Variants in COL9A1 observed in about 807,000 individuals in gnomAD.
COL9A1 encodes the protein collagen type IX alpha 1 chain.
In COL9A1, 104 loss-of-function variants were observed where a neutral mutation model predicts 142.6. The ratio of observed to expected loss-of-function variants is 0.73; its 90% CI spans 0.62 to 0.86. COL9A1 has a LOEUF of 0.86. Ranked by LOEUF, COL9A1 falls within the 40% of genes least tolerant of loss-of-function variation. The pLI is 0.00. For synonymous variants in COL9A1, 466 were observed against 396.0 expected (o/e 1.18, Z -2.10); for missense variants, 1,210 against 1,176.6 (o/e 1.03, Z -0.42).
intron 11 of COL9A1, 23 bp from the exon 12 acceptor site, chr6:70,274,105 T>G (rs914033823): frequency 1.9e-6 from 3 of 1,573,646 alleles, no homozygotes; most frequent in Non-Finnish European, 2.6e-6. Context: ...ATAGTTTCAT[T>G]GTACTGACCT....
intron 5 of COL9A1, among the ~76,000 whole-genome samples, chr6:70,288,661 C>G (rs904538735): frequency 1.3e-5 from 2 of 152,156 alleles, no homozygotes; most frequent in East Asian, 1.9e-4. Context: ...CATCACACAC[C>G]TACACCAGAC....
At chr6:70,232,825 C>A in intron 35 of COL9A1, 54 bp from the exon 36 acceptor site, 1 of 1,540,274 alleles carries the variant, frequency 6.5e-7, no homozygotes, top group Non-Finnish European at 8.8e-7. Context: ...AAAAGTTATT[C>A]TAATGAAAAG....
At chr6:70,235,683 AAAGAT>A (rs1399517796) in intron 33 of COL9A1, among the ~76,000 whole-genome samples, 1 of 151,992 alleles carries the variant, frequency 6.6e-6, no homozygotes, top group Non-Finnish European at 1.5e-5. Flanking sequence ...AGCATAAAAT[AAAGAT>A]ATTTCCAAGA....
intron 36 of COL9A1, among the ~76,000 whole-genome samples, chr6:70,227,183 A>G (rs901212285): frequency 1.3e-5 from 2 of 152,074 alleles, no homozygotes; most frequent in African/African-American, 4.8e-5. Flanking sequence ...TGGATCAAGT[A>G]TTTTACTGTA....
At chr6:70,225,587 TAAA>T (rs543691720) in intron 37 of COL9A1, among the ~76,000 whole-genome samples, 1 of 147,728 alleles carries the variant, frequency 6.8e-6, no homozygotes, top group Non-Finnish European at 1.5e-5. Flanking sequence ...CATTTTAGAT[TAAA>T]AAAAAAAACA....
At chr6:70,234,738 T>C in intron 34 of COL9A1, 56 bp downstream of exon 34, 2 of 1,611,154 alleles carry the variant, frequency 1.2e-6, no homozygotes, top group Non-Finnish European at 1.7e-6. Flanking sequence ...AGAACAGCCC[T>C]GCTGCTGTGG....
intron 36 of COL9A1, among the ~76,000 whole-genome samples, chr6:70,227,424 T>TAAA (rs11407353): frequency 0.17 from 8,534 of 49,630 alleles, 738 homozygotes; most frequent in Non-Finnish European, 0.21. Flanking sequence ...ATGCAAATTG[T>TAAA]AAAAAAAAAA....
intron 18 of COL9A1, among the ~76,000 whole-genome samples, chr6:70,266,445 T>G (rs1772020571): frequency 6.6e-6 from 1 of 152,122 alleles, no homozygotes; most frequent in Non-Finnish European, 1.5e-5. Flanking sequence ...AAGCTGAGTG[T>G]GATTGATTTG....
intron 30 of COL9A1, 91 bp downstream of exon 30, chr6:70,241,873 T>G: frequency 1.7e-6 from 2 of 1,148,644 alleles, no homozygotes; most frequent in Admixed American, 4.0e-5. Flanking sequence ...TCTAGAAAAT[T>G]CTCCACAGGG....
intron 28 of COL9A1, among the ~76,000 whole-genome samples, chr6:70,247,429 G>A (rs1562300499): frequency 6.6e-6 from 1 of 152,170 alleles, no homozygotes; most frequent in Non-Finnish European, 1.5e-5. Flanking sequence ...TCATGCTCTA[G>A]CTTGTAATGG....
In COL9A1 at chr6:70,270,201, T is replaced by G. The variant is rs895085436; in HGVS notation, c.1197+113A>C. 4.7e-6 allele frequency: 5 copies of G among 1,057,060 alleles called. No homozygotes were observed. The South Asian group carries it at 6.4e-5, about 14-fold the overall frequency. The allele number at this position is 1,057,060 out of a possible 1,614,324, so 65.5% of individuals were successfully genotyped here. On this transcript the variant is annotated intron_variant, in intron 15 of 37. Coordinates refer to ENST00000357250, the MANE Select transcript of COL9A1 (RefSeq NM_001851.6). Reference sequence around the variant, plus strand: ...GTGCATGGAAAAATTGATAGCCGTTTTGGAAATTTGGGACAATGACTCAAT... The same window carrying G: ...GTGCATGGAAAAATTGATAGCCGTTGTGGAAATTTGGGACAATGACTCAAT...
chr6:70,235,087 T>G, intron 33 of COL9A1, 147 bp from the exon 34 acceptor site: 1 of 970,108 alleles, frequency 1.0e-6, no homozygotes. Flanking sequence ...AAACCTTCAC[T>G]GCAAGGTGAA....
intron 4 of COL9A1, among the ~76,000 whole-genome samples, chr6:70,295,596 C>T (rs183801933): frequency 3.9e-5 from 6 of 152,068 alleles, no homozygotes; most frequent in African/African-American, 1.4e-4. Flanking sequence ...CCCAGTTGTT[C>T]CTTAATCTGC....
chr6:70,302,207 T>A (rs1774093844), intron 1 of COL9A1, 133 bp from the exon 2 acceptor site: 2 of 220,274 alleles, frequency 9.1e-6, no homozygotes, highest in East Asian at 3.0e-4. Flanking sequence ...TTCATTTCTT[T>A]TTTTTTTTTT....
At chr6:70,298,244 T>G (rs1398443532) in intron 4 of COL9A1, among the ~76,000 whole-genome samples, 1 of 152,228 alleles carries the variant, frequency 6.6e-6, no homozygotes, top group African/African-American at 2.4e-5. Flanking sequence ...CAGTGTGGAC[T>G]GGGCTCTTGA....
intron 26 of COL9A1, chr6:70,253,116 T>C (rs1771057457): frequency 2.9e-6 from 1 of 345,088 alleles, no homozygotes; most frequent in East Asian, 6.2e-5. Context: ...CTTATTTTAG[T>C]AGTAAGGAAC....
intron 19 of COL9A1, among the ~76,000 whole-genome samples, chr6:70,262,337 AC>A (rs1181771069): frequency 2.6e-5 from 4 of 152,162 alleles, no homozygotes; most frequent in Non-Finnish European, 5.9e-5. Flanking sequence ...GAAAGCAGAG[AC>A]CATTTCTTCC....
chr6:70,240,825 CA>C, intron 31 of COL9A1, 92 bp from the exon 32 acceptor site: 1 of 959,838 alleles, frequency 1.0e-6, no homozygotes, highest in Non-Finnish European at 1.7e-6. Context: ...CATAAGTGCC[CA>C]CAGTGTTCCC....
intron 26 of COL9A1, 130 bp from the exon 27 acceptor site, chr6:70,252,445 G>T (rs750080100): frequency 2.0e-4 from 158 of 798,056 alleles, no homozygotes; most frequent in Non-Finnish European, 3.2e-5. Flanking sequence ...GAGAATCTGG[G>T]AATGTGCAGA....
Sources: allele counts gnomAD v4.1 joint callset (sites outside exome capture counted in the v4.1 genomes callset), GRCh38; gene constraint gnomAD v4.1.1; transcripts MANE v1.5; gene names NCBI Gene and HGNC (gene_info 2026-07-23, HGNC 2026-07-21).